The following RGMA variants were observed in gnomAD, a reference collection of about 807,000 sequenced individuals.
The protein encoded by RGMA is repulsive guidance molecule A.
In RGMA, 10 loss-of-function variants were observed where a neutral mutation model predicts 23.2. The observed-to-expected ratio is 0.43, with a 90% CI of 0.27 to 0.73. The LOEUF (loss-of-function observed/expected upper bound fraction) is 0.73, where lower values mean the gene tolerates loss of function less well. Among genes scored for constraint, RGMA ranks in the 30% least tolerant of loss-of-function variants. RGMA has a pLI of 0.20. For synonymous variants in RGMA, 308 were observed against 279.3 expected (o/e 1.10, Z -1.03); for missense variants, 547 against 630.5 (o/e 0.87, Z 1.42).
intron 2 of RGMA, among the ~76,000 whole-genome samples, chr15:93,060,514 AAGAC>A (rs1894922029): frequency 6.6e-6 from 1 of 152,184 alleles, no homozygotes; most frequent in Non-Finnish European, 1.5e-5. Flanking sequence ...CAATGCCTAC[AAGAC>A]AGAGTGGCTC....
At chr15:93,085,014 A>C (rs1895615431) in intron 1 of RGMA, among the ~76,000 whole-genome samples, 1 of 152,226 alleles carries the variant, frequency 6.6e-6, no homozygotes, top group African/African-American at 2.4e-5. Flanking sequence ...AATACCTACA[A>C]AGGATAAAAA....
At position 93,052,392 on chromosome 15, in the gene RGMA, G is replaced by A. The variant is rs371576125; in HGVS notation, c.246C>T (p.Tyr82=). ...GGGCCGTCCGCCGCGTGCACAGGGC[G>A]TAGCTGCGCAAGGCTGCACAGAACT... is the stretch of plus-strand genomic sequence containing the variant. ...TPEFCAALRS[Y]ALCTRRTART... Residue 82 remains tyrosine (Y), a synonymous_variant, in exon 3 of 4, where the codon TAC becomes TAT. Transcript: ENST00000329082. 18 of 1,599,692 alleles carry A rather than the reference G, an allele frequency of 1.1e-5. No homozygotes were observed. The highest frequency in any genetic ancestry group is 2.2e-5 in the East Asian group (1 of 44,866).
intron 1 of RGMA, 147 bp from the exon 2 acceptor site, chr15:93,073,178 C>G: frequency 8.1e-7 from 1 of 1,236,698 alleles, no homozygotes; most frequent in Non-Finnish European, 1.0e-6. Flanking sequence ...CGCGCCGCCC[C>G]CCGCGCGCCC....
chr15:93,050,234 T>C (rs2054895363), intron 3 of RGMA, among the ~76,000 whole-genome samples: 2 of 152,210 alleles, frequency 1.3e-5, no homozygotes, highest in African/African-American at 4.8e-5. Context: ...CTGGCACAGA[T>C]GCAACGTCTG....
At chr15:93,075,675 C>T (rs999895849) in intron 1 of RGMA, among the ~76,000 whole-genome samples, 3 of 152,084 alleles carry the variant, frequency 2.0e-5, no homozygotes, top group Non-Finnish European at 4.4e-5. Context: ...CACTCCAAGA[C>T]TACAACTGAA....
intron 2 of RGMA, among the ~76,000 whole-genome samples, chr15:93,052,803 T>C (rs888925839): frequency 6.6e-6 from 1 of 152,228 alleles, no homozygotes; most frequent in Non-Finnish European, 1.5e-5. Flanking sequence ...AGTAGGACTT[T>C]GGGAGCTGAC....
intron 2 of RGMA, among the ~76,000 whole-genome samples, chr15:93,058,584 C>T (rs759814801): frequency 6.6e-6 from 1 of 152,196 alleles, no homozygotes; most frequent in Non-Finnish European, 1.5e-5. Context: ...CATGTGTCTC[C>T]TTTAGCCCTT....
At chr15:93,077,328 T>C (rs1401125032) in intron 1 of RGMA, among the ~76,000 whole-genome samples, 8 of 152,150 alleles carry the variant, frequency 5.3e-5, no homozygotes, top group African/African-American at 1.9e-4. Context: ...TATCTGAATC[T>C]CTGTGGGGTA....
chr15:93,070,564 G>A (rs911538765), intron 2 of RGMA, among the ~76,000 whole-genome samples: 42 of 152,210 alleles, frequency 2.8e-4, no homozygotes, highest in Non-Finnish European at 4.4e-5. Flanking sequence ...TCTCTCTGTT[G>A]TGGAAATTTC....
At chr15:93,070,503 C>T (rs1464106597) in intron 2 of RGMA, among the ~76,000 whole-genome samples, 2 of 152,230 alleles carry the variant, frequency 1.3e-5, no homozygotes, top group Non-Finnish European at 2.9e-5. Context: ...TTTCTAACTT[C>T]ATTCCTAAGC....
chr15:93,054,686 A>C (rs1463509690), intron 2 of RGMA, among the ~76,000 whole-genome samples: 3 of 152,212 alleles, frequency 2.0e-5, no homozygotes, highest in African/African-American at 7.2e-5. Flanking sequence ...CTTTATCAGC[A>C]GTGTGAAAAC....
At position 93,045,107 on chromosome 15, in the gene RGMA, T is replaced by G. The variant is rs773833544; in HGVS notation, c.1244A>C (p.Glu415Ala). 9 of 1,588,080 alleles carry G rather than the reference T, an allele frequency of 5.7e-6. No individual in the cohort carries two copies. Among genetic ancestry groups the G allele is most frequent in the East Asian group, 2.3e-5 (1 of 43,554 alleles). Residue 415 changes from glutamate (E) to alanine (A), a missense_variant, in exon 4 of 4, where the codon GAG becomes GCG. By Grantham distance (107) the Glu-to-Ala change is moderately radical. This residue lies in a region of RGMA where 205 missense variants were observed against 204.1 expected (regional missense o/e 1.00). Coordinates refer to ENST00000329082, the MANE Select transcript of RGMA (RefSeq NM_020211.3). This position sits in a 1 kb window ranked among gnomAD's most constrained non-coding sequence, Gnocchi z 6.9. The part of the protein sequence containing the change: ...HSNKDKLHLY[E>A]RTRDLPGRAA... ...CCTGCCTGGCAGGTCCCGAGTCCTC[T>G]CATACAGGTGCAGTTTGTCTTTGTT...
Position 93,059,407 on chromosome 15 carries a change from A to G in RGMA, c.131-6900T>C, listed in dbSNP as rs78538614. On this transcript the variant is annotated intron_variant, in intron 2 of 3. Transcript: ENST00000329082. ...GGTTTCCCAGGTGTCCCAAACTCTC[A>G]GGGAACTTGGATCCAGCTCTGCAGA... Among the ~76,000 whole-genome samples, 22 of 152,280 alleles carry G rather than the reference A, an allele frequency of 1.4e-4. No homozygotes were observed. In the East Asian group the frequency reaches 4.1e-3, roughly 28 times the overall value.
chr15:93,056,282 C>T (rs1209496527), intron 2 of RGMA, among the ~76,000 whole-genome samples: 4 of 152,262 alleles, frequency 2.6e-5, no homozygotes, highest in South Asian at 2.1e-4. Flanking sequence ...GGGCTGGTGG[C>T]GAAGTTTCAG....
chr15:93,052,032 C>G lies in RGMA; in HGVS notation c.606G>C (p.Thr202=). ...TGGCCGCTGAGCCGGGCAGCACAGG[C>G]GTGTTGGTGACCTGCACGTTCAGGT... ...NNYLNVQVTN[T]PVLPGSAATA... is the part of the protein sequence containing the mutation. Residue 202 remains threonine, a synonymous_variant, in exon 3 of 4, where the codon ACG becomes ACC. Transcript: ENST00000329082. The G allele has an allele frequency of 1.9e-6, 3 of 1,610,524 alleles. No individual in the cohort carries two copies. Among genetic ancestry groups the G allele is most frequent in the Non-Finnish European group, 2.5e-6 (3 of 1,178,788 alleles).
chr15:93,087,164 T>C (rs769173928), intron 1 of RGMA, among the ~76,000 whole-genome samples: 5 of 152,132 alleles, frequency 3.3e-5, no homozygotes, highest in Admixed American at 2.6e-4. Flanking sequence ...CCAGAGAGTC[T>C]CAAGGGGGTA....
rs2054723213 is a variant in RGMA, at chr15:93,041,485, A to AAGT, written c.*3510_*3512dup. Reference sequence around the variant, plus strand: ...CATGCTCGTGAGGGCAACCAGTAGTAAGTAGCATGGCACTTGGGAAAGAAT... The same window carrying AAGT: ...CATGCTCGTGAGGGCAACCAGTAGTAAGTAGTAGCATGGCACTTGGGAAAGAAT... On this transcript the variant is annotated 3_prime_UTR_variant, in exon 4 of 4. Coordinates refer to ENST00000329082, the MANE Select transcript of RGMA (RefSeq NM_020211.3). 1.3e-5 allele frequency: 2 copies of AAGT among 152,228 alleles called. No individual in the cohort carries two copies. The highest frequency in any genetic ancestry group is 4.1e-4 in the South Asian group (2 of 4,828). The allele number at this position is 152,228 out of a possible 1,614,324, so 9.4% of individuals were successfully genotyped here.
intron 1 of RGMA, among the ~76,000 whole-genome samples, chr15:93,075,627 A>G (rs1895460881): frequency 1.3e-5 from 2 of 151,596 alleles, no homozygotes; most frequent in Non-Finnish European, 2.9e-5. Context: ...TCTACATTTC[A>G]GTTTCTTCAT....
chr15:93,045,361 G>A lies in RGMA; in HGVS notation c.990C>T (p.Phe330=), dbSNP rs1409339169. Residue 330 remains phenylalanine, a synonymous_variant, in exon 4 of 4, where the codon TTC becomes TTT. Coordinates refer to ENST00000329082, the MANE Select transcript of RGMA (RefSeq NM_020211.3). This position sits in a 1 kb window ranked among gnomAD's most constrained non-coding sequence, Gnocchi z 6.9. ...PLNQQIDFQA[F]HTNAEGTGAR... is the part of the protein sequence containing the mutation. ...CACCGGTGCCCTCAGCATTGGTGTG[G>A]AAGGCCTGGAAGTCGATCTGCTGGT... is the stretch of plus-strand genomic sequence containing the variant. 22 of 1,612,476 alleles carry A rather than the reference G, an allele frequency of 1.4e-5. No homozygotes were observed. The highest frequency in any genetic ancestry group is 1.8e-5 in the Non-Finnish European group (21 of 1,179,684).
Sources: allele counts gnomAD v4.1 joint callset (sites outside exome capture counted in the v4.1 genomes callset), GRCh38; gene constraint gnomAD v4.1.1; regional missense constraint gnomAD v4.1.1; non-coding constraint Gnocchi (gnomAD v3.1); transcripts MANE v1.5; gene names NCBI Gene and HGNC (gene_info 2026-07-23, HGNC 2026-07-21).